The following DOCK3 variants were observed in gnomAD, a reference collection of about 807,000 sequenced individuals.
The protein encoded by DOCK3 is dedicator of cytokinesis 3.
DOCK3 carries 60 observed loss-of-function variants against 265.6 expected under a neutral mutation model. That is an observed-to-expected ratio of 0.23 (90% CI 0.18 to 0.28). The LOEUF (loss-of-function observed/expected upper bound fraction) is 0.28. Ranked by LOEUF, DOCK3 falls within the 10% of genes least tolerant of loss-of-function variation. The pLI, the probability that DOCK3 is intolerant of heterozygous loss-of-function variation, is 1.00. For missense variants in DOCK3, 1,981 were observed against 2,594.3 expected (o/e 0.76, Z 5.14); for synonymous variants, 881 against 938.0 (o/e 0.94, Z 1.11).
Position 50,806,253 on chromosome 3 carries a change from A to T in DOCK3, c.121+27495A>T, listed in dbSNP as rs139030595. Reference sequence around the variant, plus strand: ...CTGGGATGCAGGTGTAAGGCTGCTCAGTCAGCTCAGGGGTGTGCTTACTGG... The same window carrying T: ...CTGGGATGCAGGTGTAAGGCTGCTCTGTCAGCTCAGGGGTGTGCTTACTGG... On this transcript the variant is annotated intron_variant, in intron 2 of 52. Transcript: ENST00000266037. 1.7e-4 allele frequency among the ~76,000 whole-genome samples: 26 copies of T among 152,124 alleles called. No homozygotes were observed. The East Asian group carries it at 2.5e-3, about 15-fold the overall frequency.
chr3:50,691,721 C>G (rs2035256091), intron 1 of DOCK3, among the ~76,000 whole-genome samples: 1 of 152,146 alleles, frequency 6.6e-6, no homozygotes, highest in Admixed American at 6.5e-5. Context: ...CTCCCCAATA[C>G]TTGTTGTTTT....
At position 50,675,694 on chromosome 3, in the gene DOCK3, G is replaced by A. The variant is rs890010000; in HGVS notation, c.37+394G>A. Reference sequence around the variant, plus strand: ...TTTCCGCACCTGAATTGATGAGCCCGATGGCTGTTTATTTTTGATCTGGAA... The same window carrying A: ...TTTCCGCACCTGAATTGATGAGCCCAATGGCTGTTTATTTTTGATCTGGAA... On this transcript the variant is annotated intron_variant, in intron 1 of 52. Transcript: ENST00000266037. The surrounding 1 kb of genome is among the most constrained non-coding windows in gnomAD (Gnocchi z 6.1). Among the ~76,000 whole-genome samples the A allele has an allele frequency of 9.9e-5, 15 of 152,210 alleles. No individual in the cohort carries two copies. The highest frequency in any genetic ancestry group is 2.1e-4 in the Non-Finnish European group (14 of 68,028).
At chr3:51,313,856 C>T (rs930416978) in intron 31 of DOCK3, among the ~76,000 whole-genome samples, 8 of 152,140 alleles carry the variant, frequency 5.3e-5, no homozygotes, top group Non-Finnish European at 8.8e-5. Context: ...GGATTTTAAC[C>T]CAAAGTTGAC....
At chr3:51,095,043 C>T (rs1287216303) in intron 9 of DOCK3, among the ~76,000 whole-genome samples, 1 of 150,752 alleles carries the variant, frequency 6.6e-6, no homozygotes, top group African/African-American at 2.4e-5. Flanking sequence ...TTGCTCCATA[C>T]CTTTCTTTTG....
At chr3:50,821,728 C>T (rs534793164) in intron 2 of DOCK3, among the ~76,000 whole-genome samples, 1 of 152,304 alleles carries the variant, frequency 6.6e-6, no homozygotes, top group East Asian at 1.9e-4. Context: ...CTAACCATTC[C>T]AGCACCATTT....
chr3:51,080,350 A>T (rs1014110682), intron 7 of DOCK3, among the ~76,000 whole-genome samples: 1 of 152,252 alleles, frequency 6.6e-6, no homozygotes, highest in African/African-American at 2.4e-5. Flanking sequence ...TTTTTGACAT[A>T]CATTGCTAGG....
chr3:50,964,810 A>C (rs1295018272), intron 5 of DOCK3, among the ~76,000 whole-genome samples: 1 of 152,126 alleles, frequency 6.6e-6, no homozygotes, highest in Non-Finnish European at 1.5e-5. Flanking sequence ...TATACATCAT[A>C]ATAAAAAATG....
intron 13 of DOCK3, among the ~76,000 whole-genome samples, chr3:51,213,432 C>T (rs1009336646): frequency 6.6e-6 from 1 of 152,100 alleles, no homozygotes; most frequent in Non-Finnish European, 1.5e-5. Context: ...TAACTTTGTG[C>T]ACAACTCCAA....
chr3:51,141,055 G>T (rs1030230641), intron 9 of DOCK3, among the ~76,000 whole-genome samples: 1 of 151,626 alleles, frequency 6.6e-6, no homozygotes, highest in Non-Finnish European at 1.5e-5. Context: ...TTTGTTGATG[G>T]TGTCTTTTGA....
intron 3 of DOCK3, among the ~76,000 whole-genome samples, chr3:50,868,078 CTTT>C: frequency 7.1e-6 from 1 of 141,196 alleles, no homozygotes; most frequent in African/African-American, 2.6e-5. Flanking sequence ...TGGGAGACTT[CTTT>C]TTTTTTTTTT....
intron 35 of DOCK3, among the ~76,000 whole-genome samples, chr3:51,336,070 GA>G: frequency 6.6e-6 from 1 of 151,526 alleles, no homozygotes; most frequent in East Asian, 1.9e-4. Context: ...AAACAAAAAG[GA>G]AAAAATAATT....
At position 51,094,358 on chromosome 3, in the gene DOCK3, G is replaced by A. The variant is rs548214420; in HGVS notation, c.746+3974G>A. Among the ~76,000 whole-genome samples the A allele has an allele frequency of 3.3e-5, 5 of 152,218 alleles. No individual in the cohort carries two copies. The South Asian group carries it at 6.2e-4, about 19-fold the overall frequency. On this transcript the variant is annotated intron_variant, in intron 9 of 52. Transcript: ENST00000266037. The stretch of plus-strand genomic sequence containing the variant: ...GCCTCCATTTCAGAACTTGTTGTTG[G>A]TCTGTTTAGGGATTCGACTTCTTCT...
chr3:51,117,782 G>C (rs1235775018), intron 9 of DOCK3, among the ~76,000 whole-genome samples: 1 of 152,168 alleles, frequency 6.6e-6, no homozygotes, highest in Non-Finnish European at 1.5e-5. Context: ...ATAGTAGTTT[G>C]TATTTCTGTG....
chr3:50,718,771 ATTTTTTTTTTTTT>A (rs373965842), intron 1 of DOCK3, among the ~76,000 whole-genome samples: 1 of 76,960 alleles, frequency 1.3e-5, no homozygotes, highest in Non-Finnish European at 2.4e-5. Context: ...TTGTGGGTTG[ATTTTTTTTTTTTT>A]TTTTTTTTTT....
At chr3:50,726,095 T>C (rs1294054686) in intron 1 of DOCK3, among the ~76,000 whole-genome samples, 1 of 152,168 alleles carries the variant, frequency 6.6e-6, no homozygotes, top group African/African-American at 2.4e-5. Flanking sequence ...CTACTTATAA[T>C]ACCTAACACA....
chr3:50,794,645 C>T (rs778974959), intron 2 of DOCK3, among the ~76,000 whole-genome samples: 2 of 152,088 alleles, frequency 1.3e-5, no homozygotes, highest in African/African-American at 2.4e-5. Flanking sequence ...ATGGATCTCT[C>T]GAAGACAGCA....
chr3:50,874,061 C>CTTTTTTTTTTTTT (rs1234594228), intron 3 of DOCK3, among the ~76,000 whole-genome samples: 1 of 104,574 alleles, frequency 9.6e-6, no homozygotes, highest in African/African-American at 3.8e-5. Flanking sequence ...TTTTTCTTTT[C>CTTTTTTTTTTTTT]TTTTGTTTTT....
intron 1 of DOCK3, among the ~76,000 whole-genome samples, chr3:50,754,773 G>C (rs1207858076): frequency 1.3e-5 from 2 of 151,870 alleles, no homozygotes; most frequent in Non-Finnish European, 2.9e-5. Flanking sequence ...TGGCTAGGCT[G>C]GTCTCGAACT....
chr3:50,803,412 A>C (rs1346298360), intron 2 of DOCK3, among the ~76,000 whole-genome samples: 1 of 152,208 alleles, frequency 6.6e-6, no homozygotes, highest in Non-Finnish European at 1.5e-5. Flanking sequence ...GATTAACAGC[A>C]TCCCAAGGCA....
Sources: gnomAD v4.1 joint callset for allele counts (sites outside exome capture counted in the v4.1 genomes callset) on GRCh38, gnomAD v4.1.1 for gene constraint, Gnocchi (gnomAD v3.1) non-coding constraint, MANE v1.5 for transcripts, NCBI Gene and HGNC (gene_info 2026-07-23, HGNC 2026-07-21) for gene names.